Variants in NRXN2 observed in about 807,000 individuals in gnomAD.
NRXN2 encodes neurexin 2.
Under a neutral mutation model 128.8 loss-of-function variants are expected in NRXN2, and 29 were observed. That is an observed-to-expected ratio of 0.23 (90% confidence interval 0.17 to 0.31). The LOEUF is 0.31. NRXN2 is among the 10% of genes least tolerant of loss of function. NRXN2 has a pLI of 1.00. For synonymous variants in NRXN2, 1,098 were observed against 1,075.2 expected (o/e 1.02, Z -0.41); for missense variants, 1,881 against 2,452.6 (o/e 0.77, Z 4.92).
At chr11:64,688,742 G>T in intron 5 of NRXN2, 3 of 985,326 alleles carry the variant, frequency 3.0e-6, no homozygotes, top group Non-Finnish European at 1.2e-6. Flanking sequence ...TGTCCCCAGT[G>T]AATGTGGCTA....
chr11:64,607,679 G>C lies in NRXN2; in HGVS notation c.4656C>G (p.Ala1552=). 1 of 1,535,038 alleles carries C rather than the reference G, an allele frequency of 6.5e-7. No individual in the cohort carries two copies. Among genetic ancestry groups the C allele is most frequent in the African/African-American group, 1.4e-5 (1 of 72,808 alleles). ...GATGAPGVLF[A]PSAPAPNLPA... ...GCAGGTTGGGGGCCGGGGCGGAGGG[G>C]GCAAACAGCACCCCAGGGGCGCCCG... Residue 1552 remains alanine, a synonymous_variant, in exon 23 of 23, where the codon GCC becomes GCG. Transcript: ENST00000265459.
intron 1 of NRXN2, among the ~76,000 whole-genome samples, chr11:64,721,244 G>A (rs2057425173): frequency 6.6e-6 from 1 of 151,934 alleles, no homozygotes; most frequent in Non-Finnish European, 1.5e-5. Flanking sequence ...GGGAGCAGCT[G>A]GACCTGGGTA....
chr11:64,678,628 T>C (rs1050914798), intron 6 of NRXN2, among the ~76,000 whole-genome samples: 1 of 152,214 alleles, frequency 6.6e-6, no homozygotes, highest in Non-Finnish European at 1.5e-5. Flanking sequence ...TCTAAGTTCA[T>C]TTTCTCTTCT....
chr11:64,712,836 C>T lies in NRXN2; in HGVS notation c.730+134G>A, dbSNP rs2666560. 0.81 allele frequency: 670,475 copies of T among 823,496 alleles called. 278,009 individuals carry two copies. The highest frequency in any genetic ancestry group is 0.89 in the Middle Eastern group (2,498 of 2,798). The allele number at this position is 823,496 out of a possible 1,614,324, so 51.0% of individuals were successfully genotyped here. On this transcript the variant is annotated intron_variant, in intron 2 of 22. Coordinates refer to ENST00000265459, the MANE Select transcript of NRXN2 (RefSeq NM_015080.4). ...GACACGCGTCCCCGCAGCCCTGGAG[C>T]GCTCGCACCCACTCACAAGCCCTCG...
intron 4 of NRXN2, among the ~76,000 whole-genome samples, chr11:64,690,754 A>G (rs553293410): frequency 6.6e-6 from 1 of 152,228 alleles, no homozygotes; most frequent in Non-Finnish European, 1.5e-5. Context: ...CAGAGGCCTC[A>G]CCATGAGTGC....
intron 22 of NRXN2, among the ~76,000 whole-genome samples, chr11:64,608,851 C>T (rs928327144): frequency 1.3e-5 from 2 of 152,030 alleles, no homozygotes; most frequent in African/African-American, 2.4e-5. Context: ...TTGGTGTCAG[C>T]ATGTCGGGGA....
intron 22 of NRXN2, among the ~76,000 whole-genome samples, chr11:64,613,216 A>G (rs2040946601): frequency 1.3e-5 from 2 of 152,236 alleles, no homozygotes; most frequent in South Asian, 4.1e-4. Flanking sequence ...ATGTATGTGA[A>G]CCTAGATGGA....
At chr11:64,636,089 G>A (rs1012030669) in intron 17 of NRXN2, among the ~76,000 whole-genome samples, 1 of 147,334 alleles carries the variant, frequency 6.8e-6, no homozygotes, top group African/African-American at 2.5e-5. Context: ...CAGAAAGGAA[G>A]AGACAGCCAT....
chr11:64,642,620 G>T, intron 17 of NRXN2: 5 of 1,609,976 alleles, frequency 3.1e-6, no homozygotes, highest in Non-Finnish European at 4.2e-6. Context: ...TGGTGGACGT[G>T]GTGGGTGGTG....
intron 6 of NRXN2, among the ~76,000 whole-genome samples, chr11:64,680,808 G>A (rs1265877933): frequency 1.3e-5 from 2 of 152,100 alleles, no homozygotes; most frequent in Non-Finnish European, 2.9e-5. Context: ...CTTGTAAAGT[G>A]AATTAGGCTC....
chr11:64,660,952 G>A lies in NRXN2; in HGVS notation c.1986C>T (p.Phe662=). 6.2e-7 allele frequency: 1 copy of A among 1,613,872 alleles called. No individual in the cohort carries two copies. Among genetic ancestry groups the A allele is most frequent in the Non-Finnish European group, 8.5e-7 (1 of 1,179,996 alleles). The change falls in exon 10 of 23, where the codon TTC becomes TTT. Residue 662 remains phenylalanine, a synonymous_variant. Transcript: ENST00000265459. This position sits in a 1 kb window ranked among gnomAD's most constrained non-coding sequence, Gnocchi z 5.2. ...GGAGGTCTCGGCTACGCCCATCTAT[G>A]AAGAGGTCCCGCACACAGCCCACGT... The part of the protein sequence containing the change: ...AGYVGCVRDL[F]IDGRSRDLRG...
chr11:64,616,034 T>C (rs2041456778), intron 22 of NRXN2, among the ~76,000 whole-genome samples: 1 of 152,192 alleles, frequency 6.6e-6, no homozygotes, highest in South Asian at 2.1e-4. Flanking sequence ...TGACTGTGCA[T>C]GGAAGTATGA....
intron 3 of NRXN2, among the ~76,000 whole-genome samples, chr11:64,696,803 C>T (rs2054612010): frequency 6.6e-6 from 1 of 152,170 alleles, no homozygotes; most frequent in African/African-American, 2.4e-5. Context: ...GGGATGCCAC[C>T]TCATGCCTGC....
intron 2 of NRXN2, among the ~76,000 whole-genome samples, chr11:64,711,378 G>A (rs2056869276): frequency 6.6e-6 from 1 of 152,232 alleles, no homozygotes; most frequent in Admixed American, 6.5e-5. Context: ...GGGACGAGGG[G>A]CGGGGAGAGA....
At chr11:64,703,839 C>T (rs1439931690) in intron 2 of NRXN2, among the ~76,000 whole-genome samples, 1 of 152,174 alleles carries the variant, frequency 6.6e-6, no homozygotes, top group East Asian at 1.9e-4. Context: ...AAAGGATTTT[C>T]GTATATTAAT....
At chr11:64,677,103 C>T in intron 6 of NRXN2, 66 bp from the exon 7 acceptor site, 1 of 1,095,912 alleles carries the variant, frequency 9.1e-7, no homozygotes, top group East Asian at 2.4e-5. Flanking sequence ...AACACAACAA[C>T]AAAAGAACAG....
intron 2 of NRXN2, among the ~76,000 whole-genome samples, chr11:64,702,421 T>C (rs2055610918): frequency 6.6e-6 from 1 of 151,632 alleles, no homozygotes; most frequent in East Asian, 1.9e-4. Context: ...TAGAAAGAGG[T>C]AGACATGGGA....
chr11:64,722,916 T>G, intron 1 of NRXN2, 55 bp downstream of exon 1: 1 of 52,750 alleles, frequency 1.9e-5, no homozygotes, highest in East Asian at 5.3e-4. Context: ...CCTCCCCCGA[T>G]CGGCTCCCGC....
rs1365677416 is a variant in NRXN2 at position 64,714,436 on chromosome 11, T to C, written c.-244-493A>G. On this transcript the variant is annotated intron_variant, in intron 1 of 22. Coordinates refer to ENST00000265459, the MANE Select transcript of NRXN2 (RefSeq NM_015080.4). The surrounding 1 kb of genome is among the most constrained non-coding windows in gnomAD (Gnocchi z 4.5). ...AAATAATTCATTGGGATTAATTAAA[T>C]GCCAATTCGTCGATGGTATCACAGG... Among the ~76,000 whole-genome samples, 1 of 152,102 alleles carries C rather than the reference T, an allele frequency of 6.6e-6. No individual in the cohort carries two copies. The highest frequency in any genetic ancestry group is 1.9e-4 in the East Asian group (1 of 5,194).
Sources: gnomAD v4.1 joint callset for allele counts (sites outside exome capture counted in the v4.1 genomes callset) on GRCh38, gnomAD v4.1.1 for gene constraint, Gnocchi (gnomAD v3.1) non-coding constraint, MANE v1.5 for transcripts, NCBI Gene and HGNC (gene_info 2026-07-23, HGNC 2026-07-21) for gene names.